B3GALT5: variants seen among roughly 807,000 people sequenced by gnomAD.
B3GALT5 encodes UDP-Gal:betaGlcNAc beta 1,3-galactosyltransferase, polypeptide 5.
For synonymous variants in B3GALT5, 156 were observed against 158.6 expected (o/e 0.98, Z 0.12); for missense variants, 328 against 396.6 (o/e 0.83, Z 1.47).
At chr21:39,634,317 G>T (rs765019622) in intron 1 of B3GALT5, among the ~76,000 whole-genome samples, 1 of 152,094 alleles carries the variant, frequency 6.6e-6, no homozygotes, top group Non-Finnish European at 1.5e-5. Context: ...GAGGGAAATG[G>T]CCTCTCACAG....
At chr21:39,643,256 G>C (rs1187215438) in intron 1 of B3GALT5, among the ~76,000 whole-genome samples, 3 of 149,310 alleles carry the variant, frequency 2.0e-5, no homozygotes, top group Admixed American at 6.7e-5. Context: ...TCATGTTGGT[G>C]AAAATAAAAG....
At chr21:39,614,252 T>C (rs970341400) in intron 1 of B3GALT5, among the ~76,000 whole-genome samples, 2 of 152,230 alleles carry the variant, frequency 1.3e-5, no homozygotes, top group Non-Finnish European at 2.9e-5. Context: ...TAAGGAATGA[T>C]TGCATGTGTA....
At chr21:39,624,526 G>C (rs1333188559) in intron 1 of B3GALT5, among the ~76,000 whole-genome samples, 1 of 152,156 alleles carries the variant, frequency 6.6e-6, no homozygotes, top group African/African-American at 2.4e-5. Flanking sequence ...CAGGTGTCTG[G>C]AAGCTTTGAA....
chr21:39,640,311 G>A (rs529573429), intron 1 of B3GALT5, among the ~76,000 whole-genome samples: 1 of 152,218 alleles, frequency 6.6e-6, no homozygotes, highest in East Asian at 1.9e-4. Context: ...CCAGCCCTGC[G>A]CCTCCTGTCT....
At chr21:39,647,768 T>C (rs1569215950) in intron 2 of B3GALT5, among the ~76,000 whole-genome samples, 1 of 152,258 alleles carries the variant, frequency 6.6e-6, no homozygotes, top group Non-Finnish European at 1.5e-5. Context: ...TCTATGGCTT[T>C]ACCATTAGGG....
intron 1 of B3GALT5, among the ~76,000 whole-genome samples, chr21:39,624,838 G>A (rs563945464): frequency 1.4e-5 from 2 of 148,090 alleles, no homozygotes; most frequent in South Asian, 2.1e-4. Context: ...AAATCACCTC[G>A]TCCAAGGCGA....
chr21:39,650,572 A>C (rs1015067794), intron 2 of B3GALT5, among the ~76,000 whole-genome samples: 12 of 152,112 alleles, frequency 7.9e-5, no homozygotes, highest in African/African-American at 2.9e-4. Flanking sequence ...GGGACGCTTG[A>C]AATTCCCTTT....
intron 1 of B3GALT5, 24 bp from the exon 2 acceptor site, chr21:39,646,368 G>T (rs1419917688): frequency 6.6e-6 from 1 of 152,160 alleles, no homozygotes; most frequent in Non-Finnish European, 1.5e-5. Flanking sequence ...ATTACCTAAC[G>T]CTCTTAAATT....
At chr21:39,621,611 T>C (rs185529198) in intron 1 of B3GALT5, among the ~76,000 whole-genome samples, 3 of 152,258 alleles carry the variant, frequency 2.0e-5, no homozygotes, top group African/African-American at 7.2e-5. Context: ...TTCCTTTTGT[T>C]TATTCAGGTT....
intron 1 of B3GALT5, among the ~76,000 whole-genome samples, chr21:39,639,288 C>CTCTTTCTTTCTCTT (rs2079254754): frequency 6.1e-5 from 6 of 98,428 alleles, no homozygotes; most frequent in African/African-American, 2.2e-4. Context: ...AGGCATCTGG[C>CTCTTTCTTTCTCTT]TCTTTCTTTC....
rs1233245821 is a variant in B3GALT5 at position 39,667,974 on chromosome 21, G to C, written c.*6482G>C. 6.6e-6 allele frequency: 1 copy of C among 152,260 alleles called. No homozygotes were observed. The highest frequency in any genetic ancestry group is 1.5e-5 in the Non-Finnish European group (1 of 68,062). The allele number at this position is 152,260 out of a possible 1,614,324, so 9.4% of individuals were successfully genotyped here. On this transcript the variant is annotated 3_prime_UTR_variant, in exon 4 of 4. Transcript: ENST00000684187. ...ATAATAGTGTTCACCTCAGAAGGTT[G>C]TCAGAGGTGTGGAAATTAAGATAAT...
intron 3 of B3GALT5, 139 bp downstream of exon 3, chr21:39,660,051 G>GTCTCT: frequency 2.1e-6 from 1 of 479,760 alleles, no homozygotes; most frequent in Non-Finnish European, 2.7e-6. Context: ...AAATAATTCT[G>GTCTCT]GCAGAGACAG....
chr21:39,672,133 G>T lies in B3GALT5; in HGVS notation c.*10641G>T, dbSNP rs1022463216. On this transcript the variant is annotated 3_prime_UTR_variant, in exon 4 of 4. Coordinates refer to ENST00000684187, the MANE Select transcript of B3GALT5 (RefSeq NM_001356336.2). ...ACCTCCATTCACTGGTCAAAGAAGC[G>T]CAGAGTTAAGTTGGCCAGTGTGGCG... 1 of 152,184 alleles carries T rather than the reference G, an allele frequency of 6.6e-6. No homozygotes were observed. Among genetic ancestry groups the T allele is most frequent in the African/African-American group, 2.4e-5 (1 of 41,436 alleles). 9.4% of individuals were successfully genotyped at this position (152,184 alleles called of 1,614,324 possible). A position where few individuals can be genotyped will look rare whatever the true frequency, so the allele number is the denominator to read the frequency against.
chr21:39,650,914 G>C (rs1400133975), intron 2 of B3GALT5, among the ~76,000 whole-genome samples: 1 of 150,902 alleles, frequency 6.6e-6, no homozygotes, highest in Non-Finnish European at 1.5e-5. Context: ...CCACCCCAGC[G>C]CCAACACCCT....
intron 1 of B3GALT5, among the ~76,000 whole-genome samples, chr21:39,622,878 T>C (rs1432200166): frequency 7.7e-6 from 1 of 129,636 alleles, no homozygotes; most frequent in Non-Finnish European, 1.7e-5. Context: ...CTGTAGACTG[T>C]ATATATATTT....
chr21:39,659,599 C>T (rs761365415), intron 2 of B3GALT5, among the ~76,000 whole-genome samples, 154 bp from the exon 3 acceptor site: 8 of 152,262 alleles, frequency 5.3e-5, no homozygotes, highest in Non-Finnish European at 1.0e-4. Context: ...ACCCATTTTA[C>T]AGATGAGAAA....
rs545139499 is a variant in B3GALT5 at position 39,635,281 on chromosome 21, TAGG to T, written c.-391-11107_-391-11105del. Among the ~76,000 whole-genome samples the T allele has an allele frequency of 4.3e-3, 648 of 152,072 alleles. 6 individuals carry two copies. Among genetic ancestry groups the T allele is most frequent in the African/African-American group, 0.015 (605 of 41,452 alleles). ...GGATTTTTCCCACAGCTAGAGGAAA[TAGG>T]AGGTTGAGGGCAAGATGTGCCATGG... On this transcript the variant is annotated intron_variant, in intron 1 of 3. Coordinates refer to ENST00000684187, the MANE Select transcript of B3GALT5 (RefSeq NM_001356336.2).
At chr21:39,622,746 T>A (rs1384287642) in intron 1 of B3GALT5, among the ~76,000 whole-genome samples, 1 of 152,100 alleles carries the variant, frequency 6.6e-6, no homozygotes, top group Admixed American at 6.5e-5. Flanking sequence ...TTCTTTTATC[T>A]CATTATGTGT....
intron 2 of B3GALT5, among the ~76,000 whole-genome samples, chr21:39,654,613 G>C (rs780613884): frequency 1.6e-4 from 25 of 152,168 alleles, no homozygotes; most frequent in Non-Finnish European, 3.7e-4. Context: ...AAATGGCGTC[G>C]CATGCTACAG....
Sources: allele counts gnomAD v4.1 joint callset (sites outside exome capture counted in the v4.1 genomes callset), GRCh38; gene constraint gnomAD v4.1.1; transcripts MANE v1.5; gene names NCBI Gene and HGNC (gene_info 2026-07-23, HGNC 2026-07-21).